Variants in IL1R1 observed in about 807,000 individuals in gnomAD.
The protein encoded by IL1R1 is interleukin-1 receptor type 1.
A neutral mutation model predicts 50.2 loss-of-function variants in IL1R1; 22 were observed. The ratio of observed to expected loss-of-function variants is 0.44; its 90% CI spans 0.31 to 0.63. The LOEUF (loss-of-function observed/expected upper bound fraction) is 0.63, where lower values mean the gene tolerates loss of function less well. Ranked by LOEUF, IL1R1 falls within the 20% of genes least tolerant of loss-of-function variation. IL1R1 has a pLI of 0.07. For synonymous variants in IL1R1, 251 were observed against 236.7 expected (o/e 1.06, Z -0.55); for missense variants, 509 against 676.2 (o/e 0.75, Z 2.74).
At chr2:102,073,311 A>G (rs1678818619) in intron 1 of IL1R1, among the ~76,000 whole-genome samples, 1 of 152,222 alleles carries the variant, frequency 6.6e-6, no homozygotes, top group Non-Finnish European at 1.5e-5. Flanking sequence ...GGGGAGATGG[A>G]TAATAGGTGA....
intron 1 of IL1R1, among the ~76,000 whole-genome samples, chr2:102,126,456 A>G (rs1448221139): frequency 6.6e-6 from 1 of 152,236 alleles, no homozygotes; most frequent in Non-Finnish European, 1.5e-5. Context: ...CTCAATTGAC[A>G]TGGTAGCTGC....
chr2:102,176,844 G>A lies in IL1R1; in HGVS notation c.*85G>A. 1.6e-6 allele frequency: 2 copies of A among 1,267,186 alleles called. No individual in the cohort carries two copies. Among genetic ancestry groups the A allele is most frequent in the South Asian group, 2.7e-5 (2 of 72,880 alleles). The allele number at this position is 1,267,186 out of a possible 1,614,324, so 78.5% of individuals were successfully genotyped here. On this transcript the variant is annotated 3_prime_UTR_variant, in exon 12 of 12. Transcript: ENST00000410023. Reference sequence around the variant, plus strand: ...GTTATGCCTCATGCTGACTTGCAGAGTTCATGGAATGTAACTATATCATCC... The same window carrying A: ...GTTATGCCTCATGCTGACTTGCAGAATTCATGGAATGTAACTATATCATCC...
intron 3 of IL1R1, among the ~76,000 whole-genome samples, chr2:102,158,162 C>A (rs1252640831): frequency 1.3e-5 from 2 of 152,186 alleles, no homozygotes. Flanking sequence ...TCTTTATGAA[C>A]CCACAGCTGG....
intron 1 of IL1R1, among the ~76,000 whole-genome samples, chr2:102,125,119 C>G (rs1218405925): frequency 6.6e-6 from 1 of 152,134 alleles, no homozygotes; most frequent in Non-Finnish European, 1.5e-5. Flanking sequence ...TGGCAGGGAA[C>G]CTCTCATGGT....
chr2:102,103,107 C>G (rs1185551527), upstream of IL1R1, among the ~76,000 whole-genome samples: 1 of 152,006 alleles, frequency 6.6e-6, no homozygotes, highest in African/African-American at 2.4e-5. Flanking sequence ...ACACAATTTG[C>G]CTATATAACA....
At chr2:102,098,220 C>T (rs1266666950) in intron 1 of IL1R1, among the ~76,000 whole-genome samples, 1 of 152,084 alleles carries the variant, frequency 6.6e-6, no homozygotes, top group Non-Finnish European at 1.5e-5. Flanking sequence ...TCTTGATACT[C>T]TCTTGGGAAA....
intron 1 of IL1R1, among the ~76,000 whole-genome samples, chr2:102,081,764 T>G (rs1679218007): frequency 6.6e-6 from 1 of 152,202 alleles, no homozygotes; most frequent in Non-Finnish European, 1.5e-5. Context: ...GGCTTCAGTT[T>G]GATAGTGGAT....
rs766286735 is a variant in IL1R1 at position 102,176,699 on chromosome 2, G to T, written c.1650G>T (p.Gln550His). ...VQRRSPSSKH[Q>H]LLSPATKEKL... ...GACGGTCACCTTCATCTAAACACCAGTTACTGTCACCAGCCACTAAGGAGA... is the reference window on the plus strand; with the variant it reads ...GACGGTCACCTTCATCTAAACACCATTTACTGTCACCAGCCACTAAGGAGA... Residue 550 changes from glutamine to histidine, a missense_variant, in exon 12 of 12, where the codon CAG becomes CAT. Coordinates refer to ENST00000410023, the MANE Select transcript of IL1R1 (RefSeq NM_000877.4). 1.2e-6 allele frequency: 2 copies of T among 1,614,186 alleles called. No individual in the cohort carries two copies. The highest frequency in any genetic ancestry group is 1.7e-6 in the Non-Finnish European group (2 of 1,180,030).
intron 1 of IL1R1, among the ~76,000 whole-genome samples, chr2:102,135,130 G>A (rs1460482050): frequency 8.0e-6 from 1 of 124,708 alleles, no homozygotes; most frequent in Non-Finnish European, 1.6e-5. Context: ...CTAATATAAT[G>A]CTATCTAAAA....
intron 2 of IL1R1, among the ~76,000 whole-genome samples, chr2:102,155,856 C>T (rs180976403): frequency 2.6e-5 from 4 of 152,326 alleles, no homozygotes; most frequent in Non-Finnish European, 5.9e-5. Context: ...CCTTGTGGTA[C>T]AGGCCACCGG....
chr2:102,167,948 T>A (rs1394529579), intron 6 of IL1R1, among the ~76,000 whole-genome samples: 1 of 152,120 alleles, frequency 6.6e-6, no homozygotes, highest in Admixed American at 6.5e-5. Flanking sequence ...TAGGTATACA[T>A]TAGGGAAAAA....
intron 3 of IL1R1, among the ~76,000 whole-genome samples, chr2:102,161,752 T>C (rs1210609795): frequency 6.6e-6 from 1 of 152,128 alleles, no homozygotes; most frequent in Non-Finnish European, 1.5e-5. Context: ...CAGGCTGGAG[T>C]GCAGTGGTGC....
intron 3 of IL1R1, among the ~76,000 whole-genome samples, chr2:102,160,639 C>T (rs558293552): frequency 1.3e-5 from 2 of 151,848 alleles, no homozygotes; most frequent in Non-Finnish European, 2.9e-5. Flanking sequence ...CCAATGTTAC[C>T]CCAGCCTCAA....
upstream of IL1R1, among the ~76,000 whole-genome samples, chr2:102,138,619 G>C (rs942652816): frequency 8.5e-5 from 13 of 152,194 alleles, no homozygotes; most frequent in East Asian, 2.3e-3. Flanking sequence ...GTGTTGAGTA[G>C]ATTGAAATTG....
intron 1 of IL1R1, among the ~76,000 whole-genome samples, chr2:102,098,901 G>C (rs1189176600): frequency 6.6e-6 from 1 of 152,138 alleles, no homozygotes; most frequent in Non-Finnish European, 1.5e-5. Context: ...TTGTATCAGA[G>C]AGCTGTTGAA....
At position 102,144,786 on chromosome 2, in the gene IL1R1, G is replaced by C. The variant is rs1682974721; in HGVS notation, c.-84+1766G>C. 2.6e-5 allele frequency among the ~76,000 whole-genome samples: 4 copies of C among 152,188 alleles called. No individual in the cohort carries two copies. The South Asian group carries it at 8.3e-4, about 32-fold the overall frequency. On this transcript the variant is annotated intron_variant, in intron 1 of 11. Coordinates refer to ENST00000410023, the MANE Select transcript of IL1R1 (RefSeq NM_000877.4). ...GAGGACACCACTCAGCAGCCCCAAT[G>C]GAGAGGACGAGGAGATGATGGGCAC...
intron 1 of IL1R1, among the ~76,000 whole-genome samples, chr2:102,090,512 C>G (rs1275093019): frequency 1.3e-5 from 2 of 152,088 alleles, no homozygotes; most frequent in Admixed American, 6.5e-5. Flanking sequence ...TCTCTCTATG[C>G]ATTGGTTTTG....
At chr2:102,119,278 A>C (rs1035283392) in intron 1 of IL1R1, among the ~76,000 whole-genome samples, 3 of 152,172 alleles carry the variant, frequency 2.0e-5, no homozygotes. Context: ...CTGTCCATGG[A>C]GGGCATTTCT....
At chr2:102,086,011 A>T (rs573137571) in intron 1 of IL1R1, among the ~76,000 whole-genome samples, 125 of 152,266 alleles carry the variant, frequency 8.2e-4, no homozygotes, top group African/African-American at 2.9e-3. Context: ...CTTGTACATG[A>T]AGTAATTTTT....
Sources: allele counts gnomAD v4.1 joint callset (sites outside exome capture counted in the v4.1 genomes callset), GRCh38; gene constraint gnomAD v4.1.1; transcripts MANE v1.5; gene names NCBI Gene and HGNC (gene_info 2026-07-23, HGNC 2026-07-21).